KIF6: variants seen among roughly 807,000 people sequenced by gnomAD.
The protein encoded by KIF6 is kinesin-like protein KIF6.
Under a neutral mutation model 112.7 loss-of-function variants are expected in KIF6, and 106 were observed. The ratio of observed to expected loss-of-function variants is 0.94; its 90% CI spans 0.80 to 1.11. KIF6 has a LOEUF of 1.11. Among genes scored for constraint, KIF6 ranks in the 50% least tolerant of loss-of-function variants. The pLI is 0.00. For missense variants in KIF6, 929 were observed against 964.0 expected, an observed-to-expected ratio of 0.96 and a Z score of 0.48; for synonymous variants, 339 against 339.9, an observed-to-expected ratio of 1.00 and a Z score of 0.03.
chr6:39,377,202 C>T (rs10456470), intron 16 of KIF6, among the ~76,000 whole-genome samples: 2 of 152,024 alleles, frequency 1.3e-5, no homozygotes, highest in Non-Finnish European at 2.9e-5. Flanking sequence ...GTATGTGCTG[C>T]TGTACCTGGC....
intron 6 of KIF6, among the ~76,000 whole-genome samples, chr6:39,603,687 G>A (rs1244956340): frequency 3.3e-5 from 5 of 151,802 alleles, no homozygotes; most frequent in African/African-American, 9.7e-5. Flanking sequence ...ATGCTCTTGT[G>A]GATGTTTGTA....
chr6:39,653,763 GAAC>G (rs1785606207), intron 3 of KIF6, among the ~76,000 whole-genome samples: 2 of 152,096 alleles, frequency 1.3e-5, no homozygotes, highest in African/African-American at 4.8e-5. Context: ...TGTTAAAGAG[GAAC>G]AACAGAGGGC....
intron 13 of KIF6, among the ~76,000 whole-genome samples, chr6:39,511,843 G>C (rs1776805556): frequency 6.6e-6 from 1 of 152,100 alleles, no homozygotes; most frequent in African/African-American, 2.4e-5. Context: ...ATCACACAAG[G>C]ACAGAAAACC....
chr6:39,549,925 TAAG>T (rs1450743618), intron 10 of KIF6, among the ~76,000 whole-genome samples: 2 of 151,678 alleles, frequency 1.3e-5, no homozygotes, highest in East Asian at 3.9e-4. Context: ...GTAACACACA[TAAG>T]AAGACTGAAG....
intron 18 of KIF6, among the ~76,000 whole-genome samples, chr6:39,359,412 A>C (rs536573752): frequency 2.0e-5 from 3 of 152,320 alleles, no homozygotes; most frequent in Admixed American, 6.5e-5. Context: ...TTTGAGTAAA[A>C]AACTAGAAAC....
intron 2 of KIF6, among the ~76,000 whole-genome samples, chr6:39,718,847 G>A (rs963519123): frequency 5.3e-5 from 8 of 152,046 alleles, no homozygotes; most frequent in African/African-American, 1.2e-4. Flanking sequence ...GGTGAGGACC[G>A]CCCCACTAGG....
chr6:39,707,551 G>A lies in KIF6; in HGVS notation c.251+7141C>T, dbSNP rs73732182. On this transcript the variant is annotated intron_variant, in intron 3 of 22. Transcript: ENST00000287152. ...ACCATTCTGTCACTTCTCAGGTCCT[G>A]AGGTCTCTAGCTAGGCTATCTTCTC... Among the ~76,000 whole-genome samples, 1,426 of 152,302 alleles carry A rather than the reference G, an allele frequency of 9.4e-3. 19 individuals carry two copies. The highest frequency in any genetic ancestry group is 0.032 in the African/African-American group (1,317 of 41,568).
At chr6:39,538,420 A>G (rs1271996041) in intron 13 of KIF6, among the ~76,000 whole-genome samples, 1 of 151,966 alleles carries the variant, frequency 6.6e-6, no homozygotes, top group Non-Finnish European at 1.5e-5. Flanking sequence ...ATGAACAGAC[A>G]CTTCTCAAAA....
At chr6:39,694,394 A>T (rs1788405453) in intron 3 of KIF6, among the ~76,000 whole-genome samples, 1 of 152,208 alleles carries the variant, frequency 6.6e-6, no homozygotes, top group Non-Finnish European at 1.5e-5. Context: ...TTCACTGATG[A>T]TATGTTTCTA....
rs987789141 is a variant in KIF6 at position 39,343,184 on chromosome 6, C to T, written c.2428+525G>A. ...GGCAGTGATGCAGACCAAGAAGAGC[C>T]TTCTTCTCTTCCTGTTGTCTGACAC... On this transcript the variant is annotated intron_variant, in intron 22 of 22. Transcript: ENST00000287152. The surrounding 1 kb of genome is among the most constrained non-coding windows in gnomAD (Gnocchi z 4.1). 2 of 985,208 alleles carry T rather than the reference C, an allele frequency of 2.0e-6. No homozygotes were observed. The highest frequency in any genetic ancestry group is 2.4e-6 in the Non-Finnish European group (2 of 829,898). 61.0% of individuals were successfully genotyped at this position (985,208 alleles called of 1,614,324 possible). A position where few individuals can be genotyped will look rare whatever the true frequency, so the allele number is the denominator to read the frequency against.
At chr6:39,651,295 G>T (rs1785456879) in intron 3 of KIF6, among the ~76,000 whole-genome samples, 1 of 152,166 alleles carries the variant, frequency 6.6e-6, no homozygotes, top group African/African-American at 2.4e-5. Context: ...AGGTGAAGAA[G>T]TAGGGGAGAC....
At chr6:39,536,378 G>A (rs1044156783) in intron 13 of KIF6, among the ~76,000 whole-genome samples, 1 of 151,898 alleles carries the variant, frequency 6.6e-6, no homozygotes, top group East Asian at 1.9e-4. Flanking sequence ...AATGATAAAG[G>A]GGATATCACC....
intron 13 of KIF6, among the ~76,000 whole-genome samples, chr6:39,494,453 T>C (rs1010883921): frequency 1.3e-5 from 2 of 152,216 alleles, no homozygotes; most frequent in Non-Finnish European, 2.9e-5. Context: ...TAAATAACCA[T>C]AGGCATTTTT....
At chr6:39,685,358 G>C (rs1023612911) in intron 3 of KIF6, among the ~76,000 whole-genome samples, 6 of 152,222 alleles carry the variant, frequency 3.9e-5, no homozygotes, top group Non-Finnish European at 7.3e-5. Flanking sequence ...TGCAGATGCA[G>C]GCTGGCAGAT....
At position 39,549,112 on chromosome 6, in the gene KIF6, C is replaced by T. The variant is rs1779222149; in HGVS notation, c.1182-3424G>A. Among the ~76,000 whole-genome samples the T allele has an allele frequency of 2.0e-5, 3 of 152,186 alleles. No homozygotes were observed. The South Asian group carries it at 6.2e-4, about 32-fold the overall frequency. On this transcript the variant is annotated intron_variant, in intron 10 of 22. Coordinates refer to ENST00000287152, the MANE Select transcript of KIF6 (RefSeq NM_145027.6). Reference sequence around the variant, plus strand: ...CTGTGTCCTGGTTCAGCAACTCCATCATATTAGAAATTTTGATATATGGCC... The same window carrying T: ...CTGTGTCCTGGTTCAGCAACTCCATTATATTAGAAATTTTGATATATGGCC...
At chr6:39,666,610 G>C (rs1432419575) in intron 3 of KIF6, among the ~76,000 whole-genome samples, 1 of 152,202 alleles carries the variant, frequency 6.6e-6, no homozygotes, top group Non-Finnish European at 1.5e-5. Context: ...TAACACTGGA[G>C]AAAGCTCAAT....
intron 7 of KIF6, among the ~76,000 whole-genome samples, chr6:39,589,831 C>A (rs1440092429): frequency 6.6e-6 from 1 of 152,164 alleles, no homozygotes; most frequent in African/African-American, 2.4e-5. Flanking sequence ...GCAGCCAAAC[C>A]CAGTTTTCTG....
chr6:39,644,690 T>C (rs938828018), intron 3 of KIF6, among the ~76,000 whole-genome samples: 4 of 152,292 alleles, frequency 2.6e-5, no homozygotes, highest in African/African-American at 9.6e-5. Flanking sequence ...CTAATGGCTA[T>C]GGTACAGAGC....
At chr6:39,685,446 A>T (rs545928088) in intron 3 of KIF6, among the ~76,000 whole-genome samples, 1 of 152,306 alleles carries the variant, frequency 6.6e-6, no homozygotes, top group African/African-American at 2.4e-5. Flanking sequence ...TGAAAGTGAG[A>T]GCAAGGGAAG....
Sources: allele counts gnomAD v4.1 joint callset (sites outside exome capture counted in the v4.1 genomes callset), GRCh38; gene constraint gnomAD v4.1.1; non-coding constraint Gnocchi (gnomAD v3.1); transcripts MANE v1.5; gene names NCBI Gene and HGNC (gene_info 2026-07-23, HGNC 2026-07-21).